Variants in TMEM132C observed in about 807,000 individuals in gnomAD.
TMEM132C encodes the protein protein phosphatase 1, regulatory subunit 152.
TMEM132C carries 29 observed loss-of-function variants against 61.4 expected under a neutral mutation model. The observed-to-expected ratio is 0.47, with a 90% CI of 0.35 to 0.64. The LOEUF is 0.64. TMEM132C is among the 30% of genes least tolerant of loss of function. TMEM132C has a pLI of 0.00. For synonymous variants in TMEM132C, 656 were observed against 633.1 expected (o/e 1.04, Z -0.54); for missense variants, 1,408 against 1,476.9 (o/e 0.95, Z 0.76).
intron 3 of TMEM132C, among the ~76,000 whole-genome samples, chr12:128,546,670 T>C (rs1300525216): frequency 6.6e-6 from 1 of 152,154 alleles, no homozygotes; most frequent in East Asian, 1.9e-4. Context: ...TGCAGATGGT[T>C]AGACCCCAGA....
At chr12:128,484,621 C>T (rs1212189780) in intron 2 of TMEM132C, among the ~76,000 whole-genome samples, 1 of 152,092 alleles carries the variant, frequency 6.6e-6, no homozygotes, top group East Asian at 1.9e-4. Flanking sequence ...AGGCAAACAG[C>T]TGTGGGGAAA....
At chr12:128,532,589 G>A (rs568468513) in intron 2 of TMEM132C, among the ~76,000 whole-genome samples, 8,416 of 109,702 alleles carry the variant, frequency 0.077, 303 homozygotes, top group Middle Eastern at 0.13. Context: ...GCAGTGAGCT[G>A]AGATCGCGCC....
intron 1 of TMEM132C, among the ~76,000 whole-genome samples, chr12:128,339,784 TAA>T (rs2135952604): frequency 6.6e-6 from 1 of 152,158 alleles, no homozygotes; most frequent in South Asian, 2.1e-4. Flanking sequence ...AGGAAAGATG[TAA>T]AGTCTTCTTC....
At chr12:128,368,515 G>T (rs1176642379) in intron 1 of TMEM132C, among the ~76,000 whole-genome samples, 1 of 152,180 alleles carries the variant, frequency 6.6e-6, no homozygotes. Context: ...AATCGCTCCG[G>T]TTCCTGACAC....
At chr12:128,482,711 G>A (rs1871352820) in intron 2 of TMEM132C, among the ~76,000 whole-genome samples, 1 of 152,096 alleles carries the variant, frequency 6.6e-6, no homozygotes, top group African/African-American at 2.4e-5. Context: ...GAGGGTGTAT[G>A]TGTCCAGGAA....
At chr12:128,536,021 C>CCCAGCAAT (rs1436673786) in intron 2 of TMEM132C, among the ~76,000 whole-genome samples, 1 of 152,110 alleles carries the variant, frequency 6.6e-6, no homozygotes, top group Non-Finnish European at 1.5e-5. Context: ...TACCATTTGA[C>CCCAGCAAT]CCAGCAATCC....
chr12:128,609,971 C>T (rs1876575832), intron 3 of TMEM132C, among the ~76,000 whole-genome samples: 1 of 152,216 alleles, frequency 6.6e-6, no homozygotes, highest in African/African-American at 2.4e-5. Flanking sequence ...GGCATTTGTT[C>T]CATTCTCTTT....
intron 3 of TMEM132C, among the ~76,000 whole-genome samples, chr12:128,563,800 T>C (rs1405116984): frequency 6.6e-6 from 1 of 152,176 alleles, no homozygotes; most frequent in Admixed American, 6.5e-5. Context: ...ATAAATATTA[T>C]CTCTTGTCTT....
In TMEM132C at chr12:128,469,677, TG is replaced by T. The variant is rs1397946018; in HGVS notation, c.974+54058del. Among the ~76,000 whole-genome samples, 68 of 137,786 alleles carry T rather than the reference TG, an allele frequency of 4.9e-4. 1 individual carries two copies. The highest frequency in any genetic ancestry group is 2.2e-3 in the African/African-American group (63 of 28,576). 90.4% of individuals were successfully genotyped at this position (137,786 alleles called of 152,430 possible). ...GTGTGTGTGTGTATATATATATATG[TG>T]CATTTATGTGTGTGTATGTATATAT... On this transcript the variant is annotated intron_variant, in intron 2 of 8. Transcript: ENST00000435159.
At chr12:128,269,969 G>T (rs1870457336) in intron 1 of TMEM132C, among the ~76,000 whole-genome samples, 1 of 152,180 alleles carries the variant, frequency 6.6e-6, no homozygotes, top group Non-Finnish European at 1.5e-5. Flanking sequence ...GTCAGGGTTC[G>T]GAAAAGGCAG....
At chr12:128,480,306 A>G (rs1593068457) in intron 2 of TMEM132C, among the ~76,000 whole-genome samples, 2 of 152,212 alleles carry the variant, frequency 1.3e-5, no homozygotes, top group South Asian at 4.1e-4. Flanking sequence ...GGCCCAGGCA[A>G]TTTGATACAT....
intron 4 of TMEM132C, among the ~76,000 whole-genome samples, chr12:128,634,599 C>T (rs1954087139): frequency 6.6e-6 from 1 of 152,244 alleles, no homozygotes; most frequent in African/African-American, 2.4e-5. Context: ...ATGATGCCTG[C>T]TATGTGAGTG....
chr12:128,387,230 C>T (rs548859658), intron 1 of TMEM132C, among the ~76,000 whole-genome samples: 62 of 151,800 alleles, frequency 4.1e-4, no homozygotes, highest in Non-Finnish European at 7.1e-4. Flanking sequence ...AGCCCCAATT[C>T]GGGAACCCGC....
At chr12:128,452,236 TA>T (rs936232630) in intron 2 of TMEM132C, among the ~76,000 whole-genome samples, 3 of 151,836 alleles carry the variant, frequency 2.0e-5, no homozygotes, top group Admixed American at 6.6e-5. Flanking sequence ...TAGCTCGAAC[TA>T]CAGGCATGCG....
Position 128,616,256 on chromosome 12 carries a change from G to A in TMEM132C, c.1226G>A (p.Arg409Gln), listed in dbSNP as rs768129682. Residue 409 changes from arginine to glutamine, a missense_variant, in exon 4 of 9, where the codon CGG (arginine) becomes CAG (glutamine). Arg to Gln is a conservative substitution (Grantham distance 43, BLOSUM62 1). Coordinates refer to ENST00000435159, the MANE Select transcript of TMEM132C (RefSeq NM_001136103.3). The stretch of plus-strand genomic sequence containing the variant: ...ATCACGTGGCAGGTGGAGTACCCAC[G>A]GAAGGGGACCACAGACATCGCCGTG... ...QPITWQVEYPRKGTTDIAVSE... is the reference protein window; with the variant it reads ...QPITWQVEYPQKGTTDIAVSE... 7.5e-5 allele frequency: 117 copies of A among 1,551,678 alleles called. No individual in the cohort carries two copies. Among genetic ancestry groups the A allele is most frequent in the African/African-American group, 3.7e-4 (27 of 73,026 alleles).
intron 5 of TMEM132C, among the ~76,000 whole-genome samples, chr12:128,681,281 G>C (rs1954632482): frequency 6.6e-6 from 1 of 152,006 alleles, no homozygotes; most frequent in South Asian, 2.1e-4. Flanking sequence ...CACCCGGCCT[G>C]TTTTTCATTT....
At chr12:128,347,837 T>C (rs956161582) in intron 1 of TMEM132C, among the ~76,000 whole-genome samples, 2 of 152,240 alleles carry the variant, frequency 1.3e-5, no homozygotes, top group African/African-American at 2.4e-5. Context: ...GGAATCCTCA[T>C]ACTGTTTTCC....
chr12:128,269,013 T>C (rs1023312623), intron 1 of TMEM132C, among the ~76,000 whole-genome samples: 12 of 150,240 alleles, frequency 8.0e-5, no homozygotes, highest in Non-Finnish European at 1.8e-4. Flanking sequence ...GGGGGCACTT[T>C]TCTATTTTAT....
At chr12:128,637,678 C>T (rs1043630801) in intron 4 of TMEM132C, among the ~76,000 whole-genome samples, 7 of 152,184 alleles carry the variant, frequency 4.6e-5, no homozygotes, top group South Asian at 2.1e-4. Flanking sequence ...AACTGGATAC[C>T]GTCTCATTTT....
Sources: gnomAD v4.1 joint callset for allele counts (sites outside exome capture counted in the v4.1 genomes callset) on GRCh38, gnomAD v4.1.1 for gene constraint, MANE v1.5 for transcripts, NCBI Gene and HGNC (gene_info 2026-07-23, HGNC 2026-07-21) for gene names.